NOTUM: variants seen among roughly 807,000 people sequenced by gnomAD.
The protein encoded by NOTUM is palmitoleoyl-protein carboxylesterase NOTUM.
In NOTUM, 36 loss-of-function variants were observed where a neutral mutation model predicts 65.5. The observed-to-expected ratio is 0.55, with a 90% CI of 0.42 to 0.73. The LOEUF is 0.73. Ranked by LOEUF, NOTUM falls within the 30% of genes least tolerant of loss-of-function variation. NOTUM has a pLI of 0.00. For synonymous variants in NOTUM, 356 were observed against 297.9 expected (o/e 1.20, Z -2.01); for missense variants, 659 against 694.2 (o/e 0.95, Z 0.57).
intron 9 of NOTUM, among the ~76,000 whole-genome samples, chr17:81,954,951 CT>C (rs66785890): frequency 0.45 from 67,528 of 149,508 alleles, 15,921 homozygotes; most frequent in Non-Finnish European, 0.53. Context: ...CTCTCTCTCT[CT>C]CTCTCTCCTC....
In NOTUM at chr17:81,958,392, A is replaced by G. The variant is rs374846593; in HGVS notation, c.535T>C (p.Phe179Leu). The G allele has an allele frequency of 2.0e-5, 32 of 1,608,138 alleles. No individual in the cohort carries two copies. The African/African-American group carries it at 3.9e-4, about 19-fold the overall frequency. Residue 179 changes from phenylalanine to leucine, a missense_variant and splice_region_variant, in exon 5 of 11, where the codon TTC becomes CTC. By Grantham distance (22) the Phe-to-Leu change is conservative. Coordinates refer to ENST00000409678, the MANE Select transcript of NOTUM (RefSeq NM_178493.6). ...ACATCACTGGAGCAGTAGGGGATGA[A>G]GCTGCAACACAGAACAGAGTGAGCC... ...NPYWWNANMV[F>L]IPYCSSDVWS...
Position 81,956,952 on chromosome 17 carries a change from T to C in NOTUM, c.818A>G (p.Gln273Arg). Residue 273 changes from glutamine to arginine, a missense_variant, in exon 7 of 11, where the codon CAG becomes CGG. Gln to Arg is a conservative substitution (Grantham distance 43). Transcript: ENST00000409678. ...ADSGWFLDNK[Q>R]YRHTDCVDTI... ...GTCGACGCAGTCTGTGTGGCGATAC[T>C]GCTTGTTGTCCAGGAACCAGCCGGA... 6.2e-7 allele frequency: 1 copy of C among 1,613,438 alleles called. No homozygotes were observed. Among genetic ancestry groups the C allele is most frequent in the Non-Finnish European group, 8.5e-7 (1 of 1,179,944 alleles).
chr17:81,953,408 G>C, intron 10 of NOTUM, 141 bp from the exon 11 acceptor site: 1 of 615,672 alleles, frequency 1.6e-6, no homozygotes, highest in Non-Finnish European at 2.9e-6. Context: ...CGATTCTCCT[G>C]CCTCAGCCTC....
chr17:81,958,881 G>A (rs182252714), intron 4 of NOTUM, 54 bp downstream of exon 4: 83 of 1,402,480 alleles, frequency 5.9e-5, no homozygotes, highest in African/African-American at 2.3e-4. Context: ...AGGACCCCCC[G>A]GGAAGAACCA....
chr17:81,954,699 C>T (rs2143940551), intron 9 of NOTUM, among the ~76,000 whole-genome samples: 1 of 152,310 alleles, frequency 6.6e-6, no homozygotes, highest in South Asian at 2.1e-4. Context: ...CTCACTGTAA[C>T]CTTGAACTCC....
chr17:81,958,914 C>T (rs1157876633), intron 4 of NOTUM, 21 bp downstream of exon 4: 2 of 1,602,658 alleles, frequency 1.2e-6, no homozygotes, highest in Non-Finnish European at 1.7e-6. Context: ...GACTCCCAGG[C>T]AAGACCCTGT....
chr17:81,959,431 G>C (rs747644752), intron 3 of NOTUM, 40 bp downstream of exon 3: 1 of 1,463,088 alleles, frequency 6.8e-7, no homozygotes, highest in South Asian at 1.2e-5. Flanking sequence ...TTCCTCCCGG[G>C]CCTCACGTCG....
Position 81,959,461 on chromosome 17 carries a change from C to G in NOTUM, c.472+10G>C. On this transcript the variant is annotated intron_variant, in intron 3 of 10. Transcript: ENST00000409678. ...ACGTCGAGACGCCTTCCCCAGGGCC[C>G]GCCGCTGACCTGTGCGAGTGCGCGG... is the stretch of plus-strand genomic sequence containing the variant. The G allele has an allele frequency of 1.9e-6, 3 of 1,542,580 alleles. No individual in the cohort carries two copies. Among genetic ancestry groups the G allele is most frequent in the Non-Finnish European group, 2.6e-6 (3 of 1,143,646 alleles).
chr17:81,959,883 G>A, intron 1 of NOTUM, 191 bp from the exon 2 acceptor site: 1 of 214,324 alleles, frequency 4.7e-6, no homozygotes, highest in Non-Finnish European at 9.0e-6. Flanking sequence ...CTCGCGGGGC[G>A]GGGAACGGGC....
chr17:81,958,196 C>A, intron 5 of NOTUM, 139 bp downstream of exon 5: 2 of 672,904 alleles, frequency 3.0e-6, no homozygotes, highest in Non-Finnish European at 2.7e-6. Flanking sequence ...GCTTTGAAAG[C>A]ACGACAAGGC....
Position 81,956,675 on chromosome 17 carries a change from G to A in NOTUM, c.963C>T (p.Gly321=), listed in dbSNP as rs1395845126. 2 of 1,612,534 alleles carry A rather than the reference G, an allele frequency of 1.2e-6. No homozygotes were observed. Among genetic ancestry groups the A allele is most frequent in the Non-Finnish European group, 1.7e-6 (2 of 1,179,560 alleles). The change falls in exon 8 of 11, where the codon GGC becomes GGT. Residue 321 remains glycine (G), a synonymous_variant. Coordinates refer to ENST00000409678, the MANE Select transcript of NOTUM (RefSeq NM_178493.6). ...AGCGCAGGGTCGGGTAGACCTTGTA[G>A]CCAAAGAAGCAGTTCCACTCCTCGC... The part of the protein sequence containing the change: ...QEGEEWNCFF[G]YKVYPTLRCP...
intron 9 of NOTUM, 27 bp from the exon 10 acceptor site, chr17:81,954,330 GAGCTCCTTACCCCCTC>G: frequency 6.3e-7 from 1 of 1,591,486 alleles, no homozygotes; most frequent in Non-Finnish European, 8.6e-7. Context: ...AGTGGCTTGT[GAGCTCCTTACCCCCTC>G]AGCCCCTTTT....
chr17:81,955,375 C>A, intron 9 of NOTUM, 22 bp downstream of exon 9: 1 of 1,540,650 alleles, frequency 6.5e-7, no homozygotes, highest in South Asian at 1.2e-5. Context: ...CGGCGTGGGG[C>A]TCCCGGGGCC....
Position 81,960,865 on chromosome 17 carries a change from G to A in NOTUM, c.45C>T (p.His15=). The change falls in exon 1 of 11, where the codon CAC becomes CAT. Residue 15 remains histidine (H), a synonymous_variant. Coordinates refer to ENST00000409678, the MANE Select transcript of NOTUM (RefSeq NM_178493.6). This position sits in a 1 kb window ranked among gnomAD's most constrained non-coding sequence, Gnocchi z 6.4. ...TCCTGCCCTCGCTGCCCCCGGCGCA[G>A]TGCAGCAGGCTCAGCAGCAGCAGCA... ...VRVLLLLSLL[H]CAGGSEGRKT... is the part of the protein sequence containing the mutation. 1.4e-6 allele frequency: 2 copies of A among 1,443,944 alleles called. No individual in the cohort carries two copies. The highest frequency in any genetic ancestry group is 1.4e-5 in the South Asian group (1 of 70,578). The allele number at this position is 1,443,944 out of a possible 1,614,324, so 89.4% of individuals were successfully genotyped here.
At position 81,957,836 on chromosome 17, in the gene NOTUM, C is replaced by T; in HGVS notation, c.665G>A (p.Gly222Glu). The change falls in exon 6 of 11, where the codon GGG becomes GAG. Residue 222 changes from glycine to glutamate, a missense_variant. Transcript: ENST00000409678. ...VRELLGRGLSGAKVLLLAGSS... is the reference protein window; with the variant it reads ...VRELLGRGLSEAKVLLLAGSS... ...CCCGGCCAGCAGCAGCACCTTGGCC[C>T]CGCTCAGCCCTCTGCCCAGAAGCTC... is the stretch of plus-strand genomic sequence containing the variant. 7 of 1,608,570 alleles carry T rather than the reference C, an allele frequency of 4.4e-6. No homozygotes were observed. The highest frequency in any genetic ancestry group is 5.9e-6 in the Non-Finnish European group (7 of 1,178,156).
At position 81,959,700 on chromosome 17, in the gene NOTUM, G is replaced by A. The variant is rs775496619; in HGVS notation, c.324-8C>T. The A allele has an allele frequency of 6.1e-6, 9 of 1,473,154 alleles. No individual in the cohort carries two copies. The South Asian group carries it at 9.1e-5, about 15-fold the overall frequency. The allele number at this position is 1,473,154 out of a possible 1,614,324, so 91.3% of individuals were successfully genotyped here. On this transcript the variant is annotated splice_region_variant and splice_polypyrimidine_tract_variant and intron_variant, in intron 1 of 10. Transcript: ENST00000409678. ...GACTCCTTCAGGTAGTAGCTGCGGG[G>A]GAGGACGCACCGCGGGGGGTCGGCC...
chr17:81,952,627 AATAAT>A lies in NOTUM; in HGVS notation c.*329_*333del, dbSNP rs2041395525. 1 of 296,732 alleles carries A rather than the reference AATAAT, an allele frequency of 3.4e-6. No individual in the cohort carries two copies. The highest frequency in any genetic ancestry group is 6.3e-6 in the Non-Finnish European group (1 of 159,858). The allele number at this position is 296,732 out of a possible 1,614,324, so 18.4% of individuals were successfully genotyped here. ...AAGTAATAAAAAAGTCACTTTATAA[AATAAT>A]ATAAAAGGGCTTGATGGGTGGGGCC... On this transcript the variant is annotated 3_prime_UTR_variant, in exon 11 of 11. Coordinates refer to ENST00000409678, the MANE Select transcript of NOTUM (RefSeq NM_178493.6).
In NOTUM at chr17:81,957,921, G is replaced by C. The variant is rs921669646; in HGVS notation, c.593-13C>G. The C allele has an allele frequency of 6.3e-7, 1 of 1,576,666 alleles. No homozygotes were observed. The highest frequency in any genetic ancestry group is 8.6e-7 in the Non-Finnish European group (1 of 1,158,302). ...AAGGCGTACTCGTCTGCAAGAGGGA[G>C]GGGGTGGCCTCAGGTAGGGGCCTGG... On this transcript the variant is annotated splice_polypyrimidine_tract_variant and intron_variant, in intron 5 of 10. Transcript: ENST00000409678.
At chr17:81,959,096 G>A (rs1024414302) in intron 3 of NOTUM, 101 bp from the exon 4 acceptor site, 100 of 990,910 alleles carry the variant, frequency 1.0e-4, no homozygotes, top group Non-Finnish European at 1.5e-4. Context: ...TTGGCCCCAG[G>A]AAGGGAGGTG....
Sources: allele counts gnomAD v4.1 joint callset (sites outside exome capture counted in the v4.1 genomes callset), GRCh38; gene constraint gnomAD v4.1.1; non-coding constraint Gnocchi (gnomAD v3.1); transcripts MANE v1.5; gene names NCBI Gene and HGNC (gene_info 2026-07-23, HGNC 2026-07-21).